The following ARHGAP10 variants were observed in gnomAD, a reference collection of about 807,000 sequenced individuals.
ARHGAP10 encodes the protein rho GTPase-activating protein 10.
A neutral mutation model predicts 108.6 loss-of-function variants in ARHGAP10; 87 were observed. The ratio of observed to expected loss-of-function variants is 0.80; its 90% CI spans 0.67 to 0.96. The LOEUF (loss-of-function observed/expected upper bound fraction) is 0.96, where lower values mean the gene tolerates loss of function less well. ARHGAP10 is among the 40% of genes least tolerant of loss of function. ARHGAP10 has a pLI of 0.00. For missense variants in ARHGAP10, 939 were observed against 954.5 expected (o/e 0.98, Z 0.21); for synonymous variants, 347 against 341.1 (o/e 1.02, Z -0.19).
chr4:147,987,007 AAAC>A (rs1369799597), intron 18 of ARHGAP10, among the ~76,000 whole-genome samples: 1 of 152,250 alleles, frequency 6.6e-6, no homozygotes, highest in Non-Finnish European at 1.5e-5. Flanking sequence ...TGATCCTCAG[AAAC>A]AGCAGATAAC....
chr4:147,785,535 G>A (rs1730856002), intron 1 of ARHGAP10, among the ~76,000 whole-genome samples: 1 of 152,156 alleles, frequency 6.6e-6, no homozygotes, highest in Admixed American at 6.6e-5. Flanking sequence ...TCCCATGGGT[G>A]TATGTATATG....
intron 1 of ARHGAP10, among the ~76,000 whole-genome samples, chr4:147,818,694 A>AATG (rs1303861835): frequency 6.6e-6 from 1 of 152,188 alleles, no homozygotes; most frequent in African/African-American, 2.4e-5. Context: ...TTTTATGTGC[A>AATG]ATGATATTGG....
intron 19 of ARHGAP10, among the ~76,000 whole-genome samples, chr4:148,043,248 G>A (rs1032742264): frequency 2.6e-5 from 4 of 152,112 alleles, no homozygotes; most frequent in Admixed American, 1.3e-4. Context: ...TCTAATCGGC[G>A]GTAGTTCATT....
chr4:148,060,394 C>T (rs1729565438), intron 20 of ARHGAP10, among the ~76,000 whole-genome samples: 1 of 120,060 alleles, frequency 8.3e-6, no homozygotes, highest in Admixed American at 9.8e-5. Context: ...GGACAGGTTG[C>T]TTTTGGGAGA....
intron 10 of ARHGAP10, among the ~76,000 whole-genome samples, chr4:147,899,339 G>GTC (rs1736133798): frequency 6.7e-6 from 1 of 149,086 alleles, no homozygotes; most frequent in Non-Finnish European, 1.5e-5. Flanking sequence ...GTGTGTGTGT[G>GTC]TGTGTCTGTG....
chr4:147,805,444 G>C (rs1731744067), intron 1 of ARHGAP10, among the ~76,000 whole-genome samples: 1 of 152,066 alleles, frequency 6.6e-6, no homozygotes. Flanking sequence ...GAATTGCTTT[G>C]GCTATTCAGG....
intron 19 of ARHGAP10, among the ~76,000 whole-genome samples, chr4:148,035,654 T>C (rs542419995): frequency 2.0e-5 from 3 of 152,294 alleles, no homozygotes; most frequent in African/African-American, 7.2e-5. Context: ...GAGCTTGCAG[T>C]GTAACTGAGA....
intron 1 of ARHGAP10, chr4:147,782,697 A>G (rs1043063072): frequency 7.2e-5 from 11 of 152,274 alleles, no homozygotes; most frequent in Non-Finnish European, 1.2e-4. Context: ...ACTGTGGTAC[A>G]ACTTGTTCTG....
intron 10 of ARHGAP10, among the ~76,000 whole-genome samples, chr4:147,896,475 A>G (rs1735997167): frequency 6.6e-6 from 1 of 152,172 alleles, no homozygotes; most frequent in African/African-American, 2.4e-5. Flanking sequence ...CTTTATTGGC[A>G]TAAATGTCAT....
intron 14 of ARHGAP10, among the ~76,000 whole-genome samples, chr4:147,944,747 G>A (rs1738304262): frequency 6.6e-6 from 1 of 152,134 alleles, no homozygotes; most frequent in Non-Finnish European, 1.5e-5. Context: ...GGGAGAAATA[G>A]TCTTTTCCAT....
chr4:147,804,480 T>TGCG (rs1731702458), intron 1 of ARHGAP10, among the ~76,000 whole-genome samples: 1 of 152,230 alleles, frequency 6.6e-6, no homozygotes, highest in South Asian at 2.1e-4. Flanking sequence ...TGTGTGTCTT[T>TGCG]ATGGTAGAAT....
intron 18 of ARHGAP10, among the ~76,000 whole-genome samples, chr4:147,989,076 AAG>A (rs1472066838): frequency 1.3e-5 from 2 of 152,242 alleles, no homozygotes; most frequent in Non-Finnish European, 2.9e-5. Flanking sequence ...CAGAGTACAA[AAG>A]AGAGAAATTT....
intron 21 of ARHGAP10, among the ~76,000 whole-genome samples, chr4:148,064,173 G>A (rs1328843587): frequency 6.6e-6 from 1 of 152,226 alleles, no homozygotes; most frequent in Non-Finnish European, 1.5e-5. Flanking sequence ...ATTAGGTGAA[G>A]TGGTTCAGTG....
At chr4:147,845,515 T>C (rs1733595285) in intron 3 of ARHGAP10, among the ~76,000 whole-genome samples, 1 of 152,220 alleles carries the variant, frequency 6.6e-6, no homozygotes, top group Admixed American at 6.5e-5. Context: ...TTGGTACTTT[T>C]ATTGCCATGT....
At chr4:147,864,719 A>G (rs1350023944) in intron 5 of ARHGAP10, 127 bp from the exon 6 acceptor site, 6 of 693,278 alleles carry the variant, frequency 8.7e-6, no homozygotes, top group East Asian at 5.7e-5. Context: ...CTGTGTTGCA[A>G]TACTTTATTT....
At chr4:147,999,274 G>T (rs1740600314) in intron 18 of ARHGAP10, among the ~76,000 whole-genome samples, 3 of 152,248 alleles carry the variant, frequency 2.0e-5, no homozygotes, top group Non-Finnish European at 4.4e-5. Flanking sequence ...CACAGCAGGA[G>T]GGACAGTGAT....
intron 13 of ARHGAP10, among the ~76,000 whole-genome samples, chr4:147,939,465 AC>A (rs1738086952): frequency 6.6e-6 from 1 of 152,234 alleles, no homozygotes; most frequent in Non-Finnish European, 1.5e-5. Flanking sequence ...AAAGGCTAAA[AC>A]TTTTGAAGAA....
intron 22 of ARHGAP10, among the ~76,000 whole-genome samples, chr4:148,070,329 G>C (rs1353717013): frequency 6.6e-6 from 1 of 152,178 alleles, no homozygotes; most frequent in African/African-American, 2.4e-5. Flanking sequence ...GCAGGGAATA[G>C]CATTCAGGCC....
rs1358017193 is a variant in ARHGAP10, at chr4:147,965,230, A to G, written c.1556+101A>G. ...GGTGGAACTGGGGACCACACCTGGA[A>G]GGGCAGGCTGAACGTTTGACTCATT... On this transcript the variant is annotated intron_variant, in intron 17 of 22. Transcript: ENST00000336498. 4.0e-6 allele frequency: 3 copies of G among 751,156 alleles called. No homozygotes were observed. In the East Asian group the frequency reaches 9.0e-5, roughly 23 times the overall value. 46.5% of individuals were successfully genotyped at this position (751,156 alleles called of 1,614,324 possible).
Sources: gnomAD v4.1 joint callset for allele counts (sites outside exome capture counted in the v4.1 genomes callset) on GRCh38, gnomAD v4.1.1 for gene constraint, MANE v1.5 for transcripts, NCBI Gene and HGNC (gene_info 2026-07-23, HGNC 2026-07-21) for gene names.